Variants in KPNA6 observed in about 807,000 individuals in gnomAD.
The protein encoded by KPNA6 is importin subunit alpha-7.
A neutral mutation model predicts 72.0 loss-of-function variants in KPNA6; 9 were observed. The ratio of observed to expected loss-of-function variants is 0.13; its 90% CI spans 0.08 to 0.22. The LOEUF (loss-of-function observed/expected upper bound fraction) is 0.22, where lower values mean the gene tolerates loss of function less well. Among genes scored for constraint, KPNA6 ranks in the 10% least tolerant of loss-of-function variants. The pLI is 1.00. For missense variants in KPNA6, 374 were observed against 655.7 expected (o/e 0.57, Z 4.69); for synonymous variants, 219 against 242.1 (o/e 0.90, Z 0.89).
Position 32,162,829 on chromosome 1 carries a change from C to A in KPNA6, c.911+305C>A, listed in dbSNP as rs111870577. 2.1e-4 allele frequency among the ~76,000 whole-genome samples: 27 copies of A among 128,562 alleles called. 1 individual carries two copies. Among genetic ancestry groups the A allele is most frequent in the African/African-American group, 7.2e-4 (24 of 33,482 alleles). 84.3% of individuals were successfully genotyped at this position (128,562 alleles called of 152,430 possible). A position where few individuals can be genotyped will look rare whatever the true frequency, so the allele number is the denominator to read the frequency against. On this transcript the variant is annotated intron_variant, in intron 9 of 13. Transcript: ENST00000373625. ...CAGCCTGGGTGACAGAGCAAGACTC[C>A]GTCTCAAAGGAAAAAAAAGAATCCC...
At chr1:32,148,985 G>T (rs1486123782) in intron 1 of KPNA6, among the ~76,000 whole-genome samples, 1 of 152,062 alleles carries the variant, frequency 6.6e-6, no homozygotes, top group Non-Finnish European at 1.5e-5. Context: ...GAGCCACCGT[G>T]CCGGCCATAT....
At chr1:32,147,528 G>A (rs555860893) in intron 1 of KPNA6, among the ~76,000 whole-genome samples, 1 of 151,918 alleles carries the variant, frequency 6.6e-6, no homozygotes, top group African/African-American at 2.4e-5. Context: ...GAACTCCTGG[G>A]CTCAAGTAAT....
intron 10 of KPNA6, among the ~76,000 whole-genome samples, chr1:32,163,845 G>A (rs1285995576): frequency 3.3e-5 from 5 of 152,174 alleles, no homozygotes; most frequent in Non-Finnish European, 5.9e-5. Context: ...CTTAACAGGT[G>A]AGTAGTGTCA....
In KPNA6 at chr1:32,167,189, C is replaced by G; in HGVS notation, c.1137C>G (p.Ile379Met). Residue 379 changes from isoleucine to methionine, a missense_variant, in exon 12 of 14, where the codon ATC (isoleucine) becomes ATG (methionine). By Grantham distance (10) the Ile-to-Met change is conservative (BLOSUM62 1). Around this residue, in one of 3 missense-constraint regions of KPNA6, gnomAD observed 298 missense variants for 495.4 expected, o/e 0.60. Coordinates refer to ENST00000373625, the MANE Select transcript of KPNA6 (RefSeq NM_012316.5). ...AQIQAVIDAN[I>M]FPVLIEILQK... is the part of the protein sequence containing the mutation. ...CTCAGGCTGTTATAGATGCAAATAT[C>G]TTCCCTGTGTTGATCGAAATCCTTC... 6.2e-7 allele frequency: 1 copy of G among 1,613,930 alleles called. No individual in the cohort carries two copies. The highest frequency in any genetic ancestry group is 8.5e-7 in the Non-Finnish European group (1 of 1,179,882).
intron 1 of KPNA6, among the ~76,000 whole-genome samples, chr1:32,109,593 G>C (rs1222602090): frequency 6.6e-6 from 1 of 151,144 alleles, no homozygotes; most frequent in African/African-American, 2.4e-5. Flanking sequence ...TTTTCTGTTT[G>C]TTTATTTTGT....
chr1:32,154,398 C>G (rs770634007), intron 1 of KPNA6, among the ~76,000 whole-genome samples, 190 bp from the exon 2 acceptor site: 1 of 135,394 alleles, frequency 7.4e-6, no homozygotes, highest in Non-Finnish European at 1.5e-5. Context: ...ACCTGTTTAG[C>G]AAGCTTATTG....
intron 1 of KPNA6, among the ~76,000 whole-genome samples, chr1:32,121,941 C>T (rs1008726275): frequency 6.6e-6 from 1 of 151,990 alleles, no homozygotes; most frequent in Non-Finnish European, 1.5e-5. Flanking sequence ...CCACTGCCCT[C>T]CAGCCTGGGT....
At position 32,166,123 on chromosome 1, in the gene KPNA6, G is replaced by A. The variant is rs781531591; in HGVS notation, c.1009G>A (p.Ala337Thr). 2.5e-6 allele frequency: 4 copies of A among 1,613,806 alleles called. No individual in the cohort carries two copies. Among genetic ancestry groups the A allele is most frequent in the African/African-American group, 1.3e-5 (1 of 74,854 alleles). The change falls in exon 11 of 14, where the codon GCC (alanine) becomes ACC (threonine). Residue 337 changes from alanine to threonine, a missense_variant. Around this residue, in one of 3 missense-constraint regions of KPNA6, gnomAD observed 298 missense variants for 495.4 expected, o/e 0.60. Coordinates refer to ENST00000373625, the MANE Select transcript of KPNA6 (RefSeq NM_012316.5). The stretch of plus-strand genomic sequence containing the variant: ...GTTCTAGGTCATTCTTAACTGTTCA[G>A]CCCTACCTTGCCTTCTCCACTTGTT... Reference protein sequence around the residue: ...IQTQVILNCSALPCLLHLLSS... With the variant: ...IQTQVILNCSTLPCLLHLLSS...
At chr1:32,157,468 G>T in intron 4 of KPNA6, 23 bp downstream of exon 4, 1 of 1,540,982 alleles carries the variant, frequency 6.5e-7, no homozygotes, top group Non-Finnish European at 9.0e-7. Context: ...GCCCTTGTCA[G>T]AGAGGCCTTA....
chr1:32,141,744 T>C (rs970277057), intron 1 of KPNA6, among the ~76,000 whole-genome samples: 1 of 152,032 alleles, frequency 6.6e-6, no homozygotes, highest in African/African-American at 2.4e-5. Context: ...TCCTTGTGTC[T>C]CATGAAAGCA....
intron 10 of KPNA6, among the ~76,000 whole-genome samples, chr1:32,163,930 C>T (rs1423867762): frequency 1.3e-5 from 2 of 152,240 alleles, no homozygotes; most frequent in East Asian, 3.8e-4. Context: ...TAAAATACAA[C>T]ATAAAATTTA....
intron 1 of KPNA6, among the ~76,000 whole-genome samples, chr1:32,128,754 G>A (rs1641586073): frequency 6.6e-6 from 1 of 151,966 alleles, no homozygotes; most frequent in Non-Finnish European, 1.5e-5. Flanking sequence ...TGCCAGATCT[G>A]TTTCAAACTG....
Position 32,175,205 on chromosome 1 carries a change from G to C in KPNA6, c.*4311G>C, listed in dbSNP as rs1642505665. Reference sequence around the variant, plus strand: ...TTGCTTCAGGTCTGGGCTATGTGCAGAACCTAAGCAGGCTGTGAGAGTTAG... The same window carrying C: ...TTGCTTCAGGTCTGGGCTATGTGCACAACCTAAGCAGGCTGTGAGAGTTAG... On this transcript the variant is annotated 3_prime_UTR_variant, in exon 14 of 14. Transcript: ENST00000373625. 6.6e-6 allele frequency: 1 copy of C among 152,254 alleles called. No homozygotes were observed. Among genetic ancestry groups the C allele is most frequent in the Non-Finnish European group, 1.5e-5 (1 of 68,064 alleles). The allele number at this position is 152,254 out of a possible 1,614,324, so 9.4% of individuals were successfully genotyped here.
chr1:32,162,257 TTG>T, intron 8 of KPNA6, 102 bp from the exon 9 acceptor site: 26 of 1,137,226 alleles, frequency 2.3e-5, no homozygotes, highest in African/African-American at 3.1e-5. Flanking sequence ...CTGGAATTAC[TTG>T]TGTGTGTGTA....
At chr1:32,130,222 ATTT>A (rs55953899) in intron 1 of KPNA6, among the ~76,000 whole-genome samples, 57 of 103,102 alleles carry the variant, frequency 5.5e-4, no homozygotes, top group African/African-American at 1.3e-3. Context: ...GTAGATAAAT[ATTT>A]TTTTTTTTTT....
intron 1 of KPNA6, among the ~76,000 whole-genome samples, chr1:32,132,410 C>T (rs1445076835): frequency 6.6e-6 from 1 of 152,186 alleles, no homozygotes; most frequent in East Asian, 1.9e-4. Flanking sequence ...GCAATCCTCC[C>T]ACCTCCCAGG....
chr1:32,152,175 C>T (rs961181790), intron 1 of KPNA6, among the ~76,000 whole-genome samples: 37 of 151,830 alleles, frequency 2.4e-4, no homozygotes, highest in Admixed American at 1.2e-3. Context: ...ACAAAAAAAA[C>T]GTAAAGATTA....
At chr1:32,112,617 T>A (rs2124519104) in intron 1 of KPNA6, among the ~76,000 whole-genome samples, 1 of 152,130 alleles carries the variant, frequency 6.6e-6, no homozygotes, top group South Asian at 2.1e-4. Flanking sequence ...CTCAGCCTCC[T>A]GAGTAGCTGG....
chr1:32,157,242 T>C (rs926664995), intron 3 of KPNA6, 104 bp from the exon 4 acceptor site: 13 of 814,356 alleles, frequency 1.6e-5, no homozygotes, highest in South Asian at 4.8e-5. Flanking sequence ...TATGCCATCC[T>C]CTTGCCCTCA....
Sources: gnomAD v4.1 joint callset for allele counts (sites outside exome capture counted in the v4.1 genomes callset) on GRCh38, gnomAD v4.1.1 for gene constraint, gnomAD v4.1.1 regional missense constraint, MANE v1.5 for transcripts, NCBI Gene and HGNC (gene_info 2026-07-23, HGNC 2026-07-21) for gene names.